ECRG4: variants seen among roughly 807,000 people sequenced by gnomAD.
ECRG4 encodes ECRG4 augurin precursor, also known as augurin.
In ECRG4, 18 loss-of-function variants were observed where a neutral mutation model predicts 15.8. That is an observed-to-expected ratio of 1.14 (90% confidence interval 0.79 to 1.69). The LOEUF (loss-of-function observed/expected upper bound fraction) is 1.69. Ranked by LOEUF, ECRG4 falls within the 40% of genes most tolerant of loss-of-function variation. The pLI, the probability that ECRG4 is intolerant of heterozygous loss-of-function variation, is 0.00. For synonymous variants in ECRG4, 82 were observed against 73.9 expected (o/e 1.11, Z -0.56); for missense variants, 200 against 190.9 (o/e 1.05, Z -0.28).
intron 2 of ECRG4, 111 bp downstream of exon 2, chr2:106,072,002 C>T: frequency 3.3e-6 from 3 of 896,646 alleles, no homozygotes; most frequent in Non-Finnish European, 3.6e-6. Flanking sequence ...AAAGTGTTTA[C>T]TCCTTAAAAG....
In ECRG4 at chr2:106,073,981, C is replaced by G; in HGVS notation, c.223C>G (p.Arg75Gly). 1 of 1,614,100 alleles carries G rather than the reference C, an allele frequency of 6.2e-7. No individual in the cohort carries two copies. Among genetic ancestry groups the G allele is most frequent in the Non-Finnish European group, 8.5e-7 (1 of 1,180,044 alleles). ...LKRQKRQLWD[R>G]TRPEVQQWYQ... Reference sequence around the variant, plus strand: ...GCGCCAGAAGCGGCAGCTGTGGGACCGGACTCGGCCCGAGGTGCAGCAGTG... The same window carrying G: ...GCGCCAGAAGCGGCAGCTGTGGGACGGGACTCGGCCCGAGGTGCAGCAGTG... Residue 75 changes from arginine to glycine, a missense_variant, in exon 3 of 4, where the codon CGG becomes GGG. Arg to Gly is a moderately radical substitution (Grantham distance 125). Transcript: ENST00000238044.
At chr2:106,068,176 C>T (rs561422107) in intron 1 of ECRG4, among the ~76,000 whole-genome samples, 51 of 152,100 alleles carry the variant, frequency 3.4e-4, no homozygotes, top group Middle Eastern at 3.4e-3. Flanking sequence ...AGAAAATGAC[C>T]GTGACCCCTT....
At chr2:106,075,817 C>T (rs570656291) in intron 3 of ECRG4, among the ~76,000 whole-genome samples, 12 of 152,230 alleles carry the variant, frequency 7.9e-5, no homozygotes, top group African/African-American at 2.9e-4. Context: ...AATAAGATTA[C>T]AGTAACTTAA....
At chr2:106,072,283 C>T in intron 2 of ECRG4, 1 of 169,358 alleles carries the variant, frequency 5.9e-6, no homozygotes, top group Non-Finnish European at 1.3e-5. Flanking sequence ...CCAAAGAGCT[C>T]TTGGGGAAGG....
chr2:106,071,024 G>C (rs191065733), intron 1 of ECRG4: 1 of 471,026 alleles, frequency 2.1e-6, no homozygotes, highest in African/African-American at 2.0e-5. Context: ...TATTAAAAAT[G>C]ATTGAGCTGA....
chr2:106,070,829 C>CCTG, intron 1 of ECRG4: 1 of 451,342 alleles, frequency 2.2e-6, no homozygotes, highest in Non-Finnish European at 4.6e-6. Flanking sequence ...GGCTAAGAAC[C>CCTG]CTGCTGAGAA....
At chr2:106,074,264 C>A (rs1676436523) in intron 3 of ECRG4, 2 of 534,822 alleles carry the variant, frequency 3.7e-6, no homozygotes, top group East Asian at 6.1e-5. Context: ...GGAGGCAGAA[C>A]CCACGGCAGT....
rs201596639 is a variant in ECRG4, at chr2:106,067,061, G to GGGT, written c.79+1220_79+1221insTGG. Among the ~76,000 whole-genome samples, 3 of 61,328 alleles carry GGGT rather than the reference G, an allele frequency of 4.9e-5. No homozygotes were observed. The South Asian group carries it at 2.4e-3, about 50-fold the overall frequency. 40.2% of individuals were successfully genotyped at this position (61,328 alleles called of 152,430 possible). On this transcript the variant is annotated intron_variant, in intron 1 of 3. Coordinates refer to ENST00000238044, the MANE Select transcript of ECRG4 (RefSeq NM_032411.3). ...GTAATCCCAGCACTTTGGGAGGCCG[G>GGGT]GGGGGGGGGGGGGGCAGATCACCTG...
At chr2:106,068,866 C>G (rs543038222) in intron 1 of ECRG4, among the ~76,000 whole-genome samples, 1 of 152,322 alleles carries the variant, frequency 6.6e-6, no homozygotes, top group Admixed American at 6.5e-5. Flanking sequence ...TAGTCCCACC[C>G]CCATCTAATT....
At chr2:106,068,576 A>G (rs1676273065) in intron 1 of ECRG4, among the ~76,000 whole-genome samples, 1 of 152,198 alleles carries the variant, frequency 6.6e-6, no homozygotes, top group African/African-American at 2.4e-5. Context: ...GCTGCAAGAA[A>G]TTGCAGCCTC....
At chr2:106,077,699 G>A in intron 3 of ECRG4, 66 bp from the exon 4 acceptor site, 1 of 1,415,498 alleles carries the variant, frequency 7.1e-7, no homozygotes, top group Non-Finnish European at 9.8e-7. Flanking sequence ...CCATAGGTAA[G>A]ATTAGGTCTT....
intron 3 of ECRG4, among the ~76,000 whole-genome samples, chr2:106,076,178 C>T (rs1252371383): frequency 1.3e-5 from 2 of 151,948 alleles, no homozygotes; most frequent in East Asian, 1.9e-4. Flanking sequence ...ATTAGCCAGG[C>T]GTGGTGGCAG....
intron 1 of ECRG4, among the ~76,000 whole-genome samples, chr2:106,069,104 C>T (rs1676284600): frequency 7.4e-6 from 1 of 135,816 alleles, no homozygotes; most frequent in African/African-American, 2.6e-5. Flanking sequence ...TCCTTCCTTC[C>T]TTCCTTCTTT....
upstream of ECRG4, chr2:106,063,528 A>G (rs1676144742): frequency 6.6e-6 from 1 of 152,238 alleles, no homozygotes; most frequent in Admixed American, 6.5e-5. Context: ...CTCTGAAGGC[A>G]GAGTGAGACG....
Position 106,065,689 on chromosome 2 carries a change from CCCCTCT to C in ECRG4, c.-72_-67del. Reference sequence around the variant, plus strand: ...CCGCGGCCGCGCCTGCCCGCTCGCACCCCTCTCCCGCGCCCGGTTCTCCCTCGCAGC... The same window carrying C: ...CCGCGGCCGCGCCTGCCCGCTCGCACCCCGCGCCCGGTTCTCCCTCGCAGC... On this transcript the variant is annotated 5_prime_UTR_variant, in exon 1 of 4. Coordinates refer to ENST00000238044, the MANE Select transcript of ECRG4 (RefSeq NM_032411.3). 1 of 1,190,492 alleles carries C rather than the reference CCCCTCT, an allele frequency of 8.4e-7. No homozygotes were observed. The highest frequency in any genetic ancestry group is 1.1e-6 in the Non-Finnish European group (1 of 896,642). The allele number at this position is 1,190,492 out of a possible 1,614,324, so 73.7% of individuals were successfully genotyped here. A position where few individuals can be genotyped will look rare whatever the true frequency, so the allele number is the denominator to read the frequency against.
At chr2:106,066,816 G>A (rs779473316) in intron 1 of ECRG4, among the ~76,000 whole-genome samples, 4 of 152,126 alleles carry the variant, frequency 2.6e-5, no homozygotes, top group Non-Finnish European at 4.4e-5. Context: ...GTGAGAAGAG[G>A]CAGGGGACAT....
intron 1 of ECRG4, among the ~76,000 whole-genome samples, chr2:106,066,107 A>G (rs1013802509): frequency 1.3e-5 from 2 of 152,164 alleles, no homozygotes; most frequent in Non-Finnish European, 2.9e-5. Context: ...TTGGGCAAGG[A>G]GGGCCAGGCG....
chr2:106,077,741 A>G lies in ECRG4; in HGVS notation c.286-24A>G, dbSNP rs1024251675. The G allele has an allele frequency of 7.4e-6, 12 of 1,610,932 alleles. No homozygotes were observed. In the East Asian group the frequency reaches 1.6e-4, roughly 21 times the overall value. ...CTGCATGACCTTAAATCCATTCTCT[A>G]TCATTCTCTCTCTTTTCCTCCAGAA... On this transcript the variant is annotated intron_variant, in intron 3 of 3. Transcript: ENST00000238044.
At chr2:106,071,744 C>T in intron 1 of ECRG4, 100 bp from the exon 2 acceptor site, 1 of 903,008 alleles carries the variant, frequency 1.1e-6, no homozygotes, top group South Asian at 1.5e-5. Context: ...CAAATCAAGG[C>T]AGGGGCCCGC....
Sources: gnomAD v4.1 joint callset for allele counts (sites outside exome capture counted in the v4.1 genomes callset) on GRCh38, gnomAD v4.1.1 for gene constraint, MANE v1.5 for transcripts, NCBI Gene and HGNC (gene_info 2026-07-23, HGNC 2026-07-21) for gene names.